The following STPG1 variants were observed in gnomAD, a reference collection of about 807,000 sequenced individuals.
STPG1 encodes sperm tail PG-rich repeat containing 1, also known as O(6)-methylguanine-induced apoptosis 2.
In STPG1, 33 loss-of-function variants were observed where a neutral mutation model predicts 40.1. The observed-to-expected ratio is 0.82, with a 90% CI of 0.62 to 1.10. STPG1 has a LOEUF of 1.10. STPG1 is among the 50% of genes least tolerant of loss of function. The pLI, the probability that STPG1 is intolerant of heterozygous loss-of-function variation, is 0.00. For synonymous variants in STPG1, 150 were observed against 155.0 expected (o/e 0.97, Z 0.24); for missense variants, 396 against 415.1 (o/e 0.95, Z 0.40).
Position 24,379,652 on chromosome 1 carries a change from C to T in STPG1, c.462+1G>A, listed in dbSNP as rs149733917. 2.8e-5 allele frequency: 45 copies of T among 1,614,078 alleles called. No homozygotes were observed. The East Asian group carries it at 9.8e-4, about 35-fold the overall frequency. On this transcript the variant is annotated splice_donor_variant, in intron 5 of 8. Coordinates refer to ENST00000337248, the MANE Select transcript of STPG1 (RefSeq NM_001199013.2). LOFTEE classifies it high-confidence loss of function. ...TTAGCAAGCATAGGCAGAGTTCTTA[C>T]ATTGTAATAGTTTGGTGCAGGAGTT...
chr1:24,383,628 T>A (rs910337298), intron 4 of STPG1, among the ~76,000 whole-genome samples: 1 of 152,224 alleles, frequency 6.6e-6, no homozygotes, highest in Non-Finnish European at 1.5e-5. Context: ...ACTTGCTTAG[T>A]GCACTCAGTG....
intron 3 of STPG1, among the ~76,000 whole-genome samples, chr1:24,384,442 A>G (rs1642418554): frequency 6.6e-6 from 1 of 152,220 alleles, no homozygotes; most frequent in South Asian, 2.1e-4. Context: ...TCAGCCTTTC[A>G]GAAGAGAAAC....
intron 2 of STPG1, among the ~76,000 whole-genome samples, chr1:24,392,378 G>A (rs908166730): frequency 6.6e-6 from 1 of 152,206 alleles, no homozygotes; most frequent in Non-Finnish European, 1.5e-5. Context: ...ACTCTAACCT[G>A]TAAGTGTAAT....
intron 1 of STPG1, among the ~76,000 whole-genome samples, chr1:24,412,999 A>G (rs1643786205): frequency 6.6e-6 from 1 of 152,236 alleles, no homozygotes; most frequent in Non-Finnish European, 1.5e-5. Flanking sequence ...TAAACTATGT[A>G]TACTGTTACT....
chr1:24,360,080 C>T (rs1266218550), intron 8 of STPG1, among the ~76,000 whole-genome samples: 1 of 152,204 alleles, frequency 6.6e-6, no homozygotes, highest in East Asian at 1.9e-4. Context: ...GGCCCACCTG[C>T]TCTCCAGGGC....
intron 6 of STPG1, among the ~76,000 whole-genome samples, chr1:24,372,361 G>T (rs1316241979): frequency 2.0e-5 from 3 of 152,194 alleles, no homozygotes; most frequent in African/African-American, 7.2e-5. Context: ...AGCATTCAGT[G>T]AGATAATGAA....
intron 2 of STPG1, among the ~76,000 whole-genome samples, chr1:24,392,593 G>A (rs557285705): frequency 6.2e-4 from 95 of 152,296 alleles, no homozygotes; most frequent in Middle Eastern, 3.4e-3. Flanking sequence ...CCCCAAGCCA[G>A]GCTCCTTTCC....
chr1:24,369,295 C>T (rs1374455863), intron 7 of STPG1: 2 of 465,716 alleles, frequency 4.3e-6, no homozygotes, highest in Non-Finnish European at 8.7e-6. Context: ...GGGAATCCAG[C>T]ATCACAGGGA....
Position 24,401,345 on chromosome 1 carries a change from G to C in STPG1, c.44C>G (p.Pro15Arg). 6.2e-7 allele frequency: 1 copy of C among 1,614,038 alleles called. No homozygotes were observed. Among genetic ancestry groups the C allele is most frequent in the Non-Finnish European group, 8.5e-7 (1 of 1,179,962 alleles). Residue 15 changes from proline (P) to arginine (R), a missense_variant, in exon 2 of 9, where the codon CCC becomes CGC. By Grantham distance (103) the Pro-to-Arg change is moderately radical. Coordinates refer to ENST00000337248, the MANE Select transcript of STPG1 (RefSeq NM_001199013.2). ...AQKNERTGKH[P>R]RRASEVQKGF... ...TTTCTGTACTTCACTGGCACGTCTGGGATGTTTGCCAGTGCGTTCATTTTT... is the reference window on the plus strand; with the variant it reads ...TTTCTGTACTTCACTGGCACGTCTGCGATGTTTGCCAGTGCGTTCATTTTT...
intron 8 of STPG1, 63 bp from the exon 9 acceptor site, chr1:24,358,682 C>T: frequency 7.6e-7 from 1 of 1,313,126 alleles, no homozygotes; most frequent in Non-Finnish European, 1.1e-6. Flanking sequence ...CAGTCTCTGG[C>T]ATTCTACCTC....
chr1:24,375,678 A>G (rs1248595593), intron 5 of STPG1, among the ~76,000 whole-genome samples: 1 of 152,216 alleles, frequency 6.6e-6, no homozygotes, highest in African/African-American at 2.4e-5. Context: ...CAGTGTGGCT[A>G]ACAGGATTAC....
chr1:24,397,190 G>A (rs1643040144), intron 2 of STPG1, among the ~76,000 whole-genome samples: 1 of 152,032 alleles, frequency 6.6e-6, no homozygotes, highest in Non-Finnish European at 1.5e-5. Context: ...ATAAGAAGCA[G>A]AAACTGATAA....
chr1:24,372,645 C>G (rs1641807637), intron 6 of STPG1, among the ~76,000 whole-genome samples: 1 of 152,236 alleles, frequency 6.6e-6, no homozygotes, highest in African/African-American at 2.4e-5. Context: ...TGAACTGGGG[C>G]TGAGCCTCCT....
chr1:24,367,232 G>T (rs1156466422), intron 7 of STPG1, among the ~76,000 whole-genome samples: 1 of 152,176 alleles, frequency 6.6e-6, no homozygotes, highest in Admixed American at 6.5e-5. Context: ...TACAGAACTA[G>T]AAATCTATAG....
In STPG1 at chr1:24,369,569, C is replaced by T. The variant is rs185289327; in HGVS notation, c.737+105G>A. ...CTAAGGGCCCCTGAAGAGAGTGGCC[C>T]GGCACTGTGCTCTGCCAAGCAGTGA... On this transcript the variant is annotated intron_variant, in intron 7 of 8. Transcript: ENST00000337248. The T allele has an allele frequency of 1.5e-4, 192 of 1,264,502 alleles. No homozygotes were observed. In the African/African-American group the frequency reaches 2.2e-3, roughly 14 times the overall value. 78.3% of individuals were successfully genotyped at this position (1,264,502 alleles called of 1,614,324 possible). A position where few individuals can be genotyped will look rare whatever the true frequency, so the allele number is the denominator to read the frequency against.
rs1425933180 is a variant in STPG1 at position 24,374,873 on chromosome 1, A to T, written c.463-1063T>A. ...ACTCCTAGACTCAAATGATCTGCCC[A>T]CCTCGGCCTCCCAAAGTGTTGGGAT... On this transcript the variant is annotated intron_variant, in intron 5 of 8. Coordinates refer to ENST00000337248, the MANE Select transcript of STPG1 (RefSeq NM_001199013.2). 2.1e-5 allele frequency among the ~76,000 whole-genome samples: 3 copies of T among 144,670 alleles called. No individual in the cohort carries two copies. In the South Asian group the frequency reaches 6.8e-4, roughly 33 times the overall value. 94.9% of individuals were successfully genotyped at this position (144,670 alleles called of 152,430 possible).
At chr1:24,382,575 G>A (rs1323754875) in intron 4 of STPG1, among the ~76,000 whole-genome samples, 1 of 152,160 alleles carries the variant, frequency 6.6e-6, no homozygotes, top group Non-Finnish European at 1.5e-5. Flanking sequence ...CTTCTTTTGA[G>A]CTTCTTTCCT....
chr1:24,394,866 A>T (rs1478154245), intron 2 of STPG1, among the ~76,000 whole-genome samples: 1 of 152,156 alleles, frequency 6.6e-6, no homozygotes, highest in Admixed American at 6.5e-5. Flanking sequence ...AGGCTCTCAA[A>T]AAAAGAAATA....
In STPG1 at chr1:24,381,474, T is replaced by C. The variant is rs555079153; in HGVS notation, c.292-1651A>G. On this transcript the variant is annotated intron_variant, in intron 4 of 8. Coordinates refer to ENST00000337248, the MANE Select transcript of STPG1 (RefSeq NM_001199013.2). ...AACTTCTCTCCAGCACCTACTAACTTTTCTAGAGCCACTCCTGCCAGCATG... is the reference window on the plus strand; with the variant it reads ...AACTTCTCTCCAGCACCTACTAACTCTTCTAGAGCCACTCCTGCCAGCATG... Among the ~76,000 whole-genome samples the C allele has an allele frequency of 1.1e-4, 16 of 152,282 alleles. No homozygotes were observed. The South Asian group carries it at 1.9e-3, about 18-fold the overall frequency.
Sources: gnomAD v4.1 joint callset for allele counts (sites outside exome capture counted in the v4.1 genomes callset) on GRCh38, gnomAD v4.1.1 for gene constraint, MANE v1.5 for transcripts, NCBI Gene and HGNC (gene_info 2026-07-23, HGNC 2026-07-21) for gene names.